Variants in RSPH14 observed in about 807,000 individuals in gnomAD.
RSPH14 encodes the protein rhabdoid tumor deletion region gene 1.
In RSPH14, 20 loss-of-function variants were observed where a neutral mutation model predicts 26.7. The ratio of observed to expected loss-of-function variants is 0.75; its 90% CI spans 0.53 to 1.09. The LOEUF (loss-of-function observed/expected upper bound fraction) is 1.09, where lower values mean the gene tolerates loss of function less well. RSPH14 is among the 50% of genes least tolerant of loss of function. RSPH14 has a pLI of 0.00. For missense variants in RSPH14, 449 were observed against 457.2 expected, an observed-to-expected ratio of 0.98 and a Z score of 0.16; for synonymous variants, 177 against 189.3, an observed-to-expected ratio of 0.93 and a Z score of 0.53.
intron 4 of RSPH14, among the ~76,000 whole-genome samples, chr22:23,090,711 G>GC (rs892642797): frequency 2.0e-5 from 3 of 152,106 alleles, no homozygotes; most frequent in African/African-American, 4.8e-5. Context: ...CAGGAGGCCA[G>GC]CCCCACCCAC....
intron 4 of RSPH14, among the ~76,000 whole-genome samples, chr22:23,130,537 A>G (rs1419258813): frequency 6.6e-6 from 1 of 151,950 alleles, no homozygotes; most frequent in Non-Finnish European, 1.5e-5. Context: ...AGAAAGAGAA[A>G]GAAGGAAAGA....
At chr22:23,113,540 G>A (rs961062244) in intron 4 of RSPH14, among the ~76,000 whole-genome samples, 4 of 152,262 alleles carry the variant, frequency 2.6e-5, no homozygotes, top group African/African-American at 9.6e-5. Flanking sequence ...GGGGAAGCAC[G>A]GGGTTGCAAG....
At chr22:23,145,873 T>A, upstream of RSPH14, 4 of 640,602 alleles carry the variant, frequency 6.2e-6, no homozygotes, top group Non-Finnish European at 7.8e-6. Context: ...GTCAGAGGCC[T>A]GGTGAAGTGA....
At chr22:23,070,239 T>C (rs1301447193) in intron 4 of RSPH14, 3 of 149,512 alleles carry the variant, frequency 2.0e-5, no homozygotes, top group Non-Finnish European at 4.5e-5. Flanking sequence ...CGGCGCGTGG[T>C]GCCCGGCGGG....
chr22:23,169,248 T>C, the RSPH14 span, among the ~76,000 whole-genome samples: 2 of 152,352 alleles, frequency 1.3e-5, no homozygotes, highest in East Asian at 3.9e-4. Flanking sequence ...GCACTCTGGC[T>C]GGGGGCAGGA....
intron 4 of RSPH14, among the ~76,000 whole-genome samples, chr22:23,103,025 C>A (rs2069350346): frequency 1.3e-5 from 2 of 152,158 alleles, no homozygotes; most frequent in African/African-American, 4.8e-5. Flanking sequence ...CAAGAGAGTT[C>A]TCTTCGGCAC....
rs1312425370 is a variant in RSPH14, at chr22:23,095,609, T to C, written c.422-31476A>G. ...GAGTGCCTCCAGGGCAGCTGGGCTC[T>C]TGTCTGCCTGGTCTCAGTGTCCCCT... is the stretch of plus-strand genomic sequence containing the variant. On this transcript the variant is annotated intron_variant, in intron 4 of 6. Transcript: ENST00000216036. 10 of 1,457,182 alleles carry C rather than the reference T, an allele frequency of 6.9e-6. No individual in the cohort carries two copies. The South Asian group carries it at 1.1e-4, about 16-fold the overall frequency. 90.3% of individuals were successfully genotyped at this position (1,457,182 alleles called of 1,614,324 possible).
the RSPH14 span, among the ~76,000 whole-genome samples, chr22:23,169,789 G>A: frequency 2.0e-5 from 3 of 152,250 alleles, no homozygotes; most frequent in East Asian, 5.8e-4. Context: ...CACCCACAAG[G>A]GGCCTTTGGG....
chr22:23,177,536 T>C, the RSPH14 span, among the ~76,000 whole-genome samples: 8 of 152,244 alleles, frequency 5.3e-5, no homozygotes, highest in South Asian at 1.5e-3. Context: ...CAGAGTGTTA[T>C]GTGTGTCTAA....
intron 4 of RSPH14, among the ~76,000 whole-genome samples, chr22:23,100,063 A>G (rs1483775778): frequency 1.3e-5 from 2 of 152,276 alleles, no homozygotes; most frequent in African/African-American, 2.4e-5. Flanking sequence ...CGGAGCTGTC[A>G]GCATTCCCAG....
chr22:23,078,113 G>A (rs569610149), intron 4 of RSPH14, among the ~76,000 whole-genome samples: 1 of 152,310 alleles, frequency 6.6e-6, no homozygotes, highest in African/African-American at 2.4e-5. Flanking sequence ...GGGCGGGTGC[G>A]GGTGGCCTGT....
chr22:23,154,143 C>CCCGGCACCTGGAGAATG, the RSPH14 span, among the ~76,000 whole-genome samples: 1 of 152,136 alleles, frequency 6.6e-6, no homozygotes, highest in Non-Finnish European at 1.5e-5. Context: ...TTCCCTCTGC[C>CCCGGCACCTGGAGAATG]CCGGCACCTG....
At chr22:23,127,949 G>A (rs149809456) in intron 4 of RSPH14, among the ~76,000 whole-genome samples, 7 of 152,070 alleles carry the variant, frequency 4.6e-5, no homozygotes, top group African/African-American at 1.2e-4. Context: ...GCTCTCCTCC[G>A]GGCTGGGAGG....
At chr22:23,067,938 T>A (rs543929488) in intron 4 of RSPH14, among the ~76,000 whole-genome samples, 23 of 152,386 alleles carry the variant, frequency 1.5e-4, no homozygotes, top group Middle Eastern at 3.4e-3. Flanking sequence ...TATTTTATTA[T>A]GTCCAGTAGG....
At chr22:23,123,895 G>A (rs546362570) in intron 4 of RSPH14, 1 of 214,610 alleles carries the variant, frequency 4.7e-6, no homozygotes, top group Middle Eastern at 2.0e-3. Context: ...GGACCTTGCC[G>A]CTGACCAAGA....
At chr22:23,121,447 G>T (rs1170871734) in intron 4 of RSPH14, among the ~76,000 whole-genome samples, 1 of 152,152 alleles carries the variant, frequency 6.6e-6, no homozygotes, top group Non-Finnish European at 1.5e-5. Context: ...GCCTCCTTTG[G>T]GCCCACCCTG....
the RSPH14 span, among the ~76,000 whole-genome samples, chr22:23,178,641 G>A: frequency 6.6e-6 from 1 of 152,218 alleles, no homozygotes; most frequent in Non-Finnish European, 1.5e-5. Context: ...AGTGAGCTGC[G>A]CACCGCCCAC....
At chr22:23,063,692 G>T (rs1601726285) in intron 5 of RSPH14, among the ~76,000 whole-genome samples, 1 of 152,074 alleles carries the variant, frequency 6.6e-6, no homozygotes, top group East Asian at 1.9e-4. Flanking sequence ...CAGGCTGAGG[G>T]GTTTCCTGGG....
upstream of RSPH14, among the ~76,000 whole-genome samples, chr22:23,149,627 TC>T (rs2070990459): frequency 6.6e-6 from 1 of 152,230 alleles, no homozygotes; most frequent in South Asian, 2.1e-4. Flanking sequence ...AGCCTCTGTC[TC>T]TTGAGCTGAA....
Sources: gnomAD v4.1 joint callset for allele counts (sites outside exome capture counted in the v4.1 genomes callset) on GRCh38, gnomAD v4.1.1 for gene constraint, MANE v1.5 for transcripts, NCBI Gene and HGNC (gene_info 2026-07-23, HGNC 2026-07-21) for gene names.